ZNF142: variants seen among roughly 807,000 people sequenced by gnomAD.
The protein encoded by ZNF142 is zinc finger protein 142 (clone pHZ-49).
ZNF142 carries 96 observed loss-of-function variants against 132.1 expected under a neutral mutation model. The observed-to-expected ratio is 0.73, with a 90% CI of 0.62 to 0.86. The LOEUF is 0.86. Ranked by LOEUF, ZNF142 falls within the 40% of genes least tolerant of loss-of-function variation. The pLI is 0.00. For synonymous variants in ZNF142, 842 were observed against 890.1 expected (o/e 0.95, Z 0.96); for missense variants, 2,163 against 2,336.2 (o/e 0.93, Z 1.53).
rs886426279 is a variant in ZNF142, at chr2:218,635,092, C to T, written c.*3247G>A. ...AATTTAAAAATTTTGTAGAGACTCC[C>T]GTCTCTACAAAAAATTTAAAAATTA... On this transcript the variant is annotated 3_prime_UTR_variant, in exon 11 of 11. Transcript: ENST00000411696. 4.6e-5 allele frequency among the ~76,000 whole-genome samples: 7 copies of T among 151,560 alleles called. No individual in the cohort carries two copies. The highest frequency in any genetic ancestry group is 2.1e-4 in the South Asian group (1 of 4,810).
chr2:218,646,546 A>G (rs543034423), intron 7 of ZNF142, among the ~76,000 whole-genome samples, 198 bp from the exon 8 acceptor site: 11 of 151,792 alleles, frequency 7.2e-5, no homozygotes, highest in African/African-American at 2.7e-4. Flanking sequence ...CAACTCCCAC[A>G]CCAGTGAAGA....
At position 218,635,754 on chromosome 2, in the gene ZNF142, G is replaced by T; in HGVS notation, c.*2585C>A. 1 of 1,594,852 alleles carries T rather than the reference G, an allele frequency of 6.3e-7. No homozygotes were observed. Among genetic ancestry groups the T allele is most frequent in the East Asian group, 2.3e-5 (1 of 44,108 alleles). On this transcript the variant is annotated 3_prime_UTR_variant, in exon 11 of 11. Coordinates refer to ENST00000411696, the MANE Select transcript of ZNF142 (RefSeq NM_001379659.1). The stretch of plus-strand genomic sequence containing the variant: ...TTGGGAGTAGGGTCGGGTGGGGCTG[G>T]GCTGAGCAGGAACTTGTGAGATTCC...
chr2:218,650,504 C>T lies in ZNF142; in HGVS notation c.903G>A (p.Glu301=), dbSNP rs774877219. The change falls in exon 6 of 11, where the codon GAG becomes GAA. Residue 301 remains glutamate, a synonymous_variant. Coordinates refer to ENST00000411696, the MANE Select transcript of ZNF142 (RefSeq NM_001379659.1). The part of the protein sequence containing the change: ...LLPAPKLPPG[E]REPSQEAGTP... ...TACCTGCTTCCTGTGAAGGTTCTCT[C>T]TCTCCTGGAGGCAGTTTGGGAGCTG... 9 of 1,602,538 alleles carry T rather than the reference C, an allele frequency of 5.6e-6. No individual in the cohort carries two copies. The highest frequency in any genetic ancestry group is 7.7e-6 in the Non-Finnish European group (9 of 1,174,560).
Position 218,643,366 on chromosome 2 carries a change from C to G in ZNF142, c.3750G>C (p.Arg1250Ser), listed in dbSNP as rs61733642. Reference protein sequence around the residue: ...SITSHVAEGCRGGRGGGGKRG... With the variant: ...SITSHVAEGCSGGRGGGGKRG... ...GTTTTCCTCCCCCGCCACGTCCCCC[C>G]CTGCAGCCTTCAGCCACGTGAGAGG... The change falls in exon 9 of 11, where the codon AGG (arginine) becomes AGC (serine). Residue 1250 changes from arginine (R) to serine (S), a missense_variant. By Grantham distance (110) the Arg-to-Ser change is moderately radical. Coordinates refer to ENST00000411696, the MANE Select transcript of ZNF142 (RefSeq NM_001379659.1). The G allele has an allele frequency of 2.0e-5, 33 of 1,614,206 alleles. No individual in the cohort carries two copies. Among genetic ancestry groups the G allele is most frequent in the African/African-American group, 2.0e-4 (15 of 75,044 alleles).
rs373014504 is a variant in ZNF142 at position 218,655,593 on chromosome 2, A to G, written c.280+557T>C. ...CAGCCTCTAACTCCTGGGCTCAAGC[A>G]ATCTTCCTGCCTCAGCCTCCCAAGT... On this transcript the variant is annotated intron_variant, in intron 4 of 10. Coordinates refer to ENST00000411696, the MANE Select transcript of ZNF142 (RefSeq NM_001379659.1). 1.5e-3 allele frequency among the ~76,000 whole-genome samples: 235 copies of G among 152,264 alleles called. 1 individual carries two copies. The highest frequency in any genetic ancestry group is 5.5e-3 in the African/African-American group (230 of 41,552).
At chr2:218,641,081 T>C (rs1489102468) in intron 9 of ZNF142, among the ~76,000 whole-genome samples, 6 of 151,406 alleles carry the variant, frequency 4.0e-5, no homozygotes, top group East Asian at 1.9e-4. Flanking sequence ...AATACAGGCA[T>C]GCGCCACAAT....
rs1697543963 is a variant in ZNF142 at position 218,644,345 on chromosome 2, C to T, written c.2771G>A (p.Arg924Lys). Residue 924 changes from arginine (R) to lysine (K), a missense_variant, in exon 9 of 11, where the codon AGG becomes AAG. By Grantham distance (26) the Arg-to-Lys change is conservative. Transcript: ENST00000411696. The surrounding 1 kb of genome is among the most constrained non-coding windows in gnomAD (Gnocchi z 4.6). Reference sequence around the variant, plus strand: ...ATCTGGCCCTTCCAGTCCCAGGGGCCTGAACTCCATAGGGGCTGTTTCAGT... The same window carrying T: ...ATCTGGCCCTTCCAGTCCCAGGGGCTTGAACTCCATAGGGGCTGTTTCAGT... Reference protein sequence around the residue: ...EVTETAPMEFRPLGLEGPDGL... With the variant: ...EVTETAPMEFKPLGLEGPDGL... 4.3e-6 allele frequency: 7 copies of T among 1,614,152 alleles called. No individual in the cohort carries two copies. The East Asian group carries it at 1.6e-4, about 36-fold the overall frequency.
Position 218,644,137 on chromosome 2 carries a change from G to A in ZNF142, c.2979C>T (p.Pro993=), listed in dbSNP as rs748314948. 5 of 1,614,148 alleles carry A rather than the reference G, an allele frequency of 3.1e-6. No homozygotes were observed. The South Asian group carries it at 5.5e-5, about 18-fold the overall frequency. ...ACTCTGACTCAGGTAATGGGGGCAA[G>A]GGTGCTGTCTCAGCAGGTGGAGTTG... ...FKTTPPAETA[P]LPPLPESESL... The change falls in exon 9 of 11, where the codon CCC becomes CCT. Residue 993 remains proline (P), a synonymous_variant. Transcript: ENST00000411696. The surrounding 1 kb of genome is among the most constrained non-coding windows in gnomAD (Gnocchi z 4.6).
In ZNF142 at chr2:218,644,397, C is replaced by A. The variant is rs555256259; in HGVS notation, c.2719G>T (p.Val907Leu). Residue 907 changes from valine to leucine, a missense_variant, in exon 9 of 11, where the codon GTG becomes TTG. Physicochemically the swap from Val to Leu is conservative, Grantham distance 32 (BLOSUM62 1). Transcript: ENST00000411696. The surrounding 1 kb of genome is among the most constrained non-coding windows in gnomAD (Gnocchi z 4.6). ...LEALGVELESVTEPPLEEVTE... is the reference protein window; with the variant it reads ...LEALGVELESLTEPPLEEVTE... ...ACCTCCTCAAGGGGTGGCTCAGTCACAGACTCCAGCTCTACTCCCAGGGCC... is the reference window on the plus strand; with the variant it reads ...ACCTCCTCAAGGGGTGGCTCAGTCAAAGACTCCAGCTCTACTCCCAGGGCC... The A allele has an allele frequency of 1.9e-6, 3 of 1,614,156 alleles. No homozygotes were observed. The African/African-American group carries it at 4.0e-5, about 22-fold the overall frequency.
intron 3 of ZNF142, among the ~76,000 whole-genome samples, chr2:218,657,752 T>C (rs1559308979): frequency 6.6e-6 from 1 of 152,100 alleles, no homozygotes; most frequent in Non-Finnish European, 1.5e-5. Context: ...ACTCTTATCT[T>C]CTCTCTTCTG....
chr2:218,659,215 CG>C lies in ZNF142; in HGVS notation c.-361-86del. Reference sequence around the variant, plus strand: ...CAGAACCGTGACGCGACTGCAGCGCCGGGGCCCAGCTCGTCTGGGTGCTCCC... The same window carrying C: ...CAGAACCGTGACGCGACTGCAGCGCCGGGCCCAGCTCGTCTGGGTGCTCCC... On this transcript the variant is annotated intron_variant, in intron 1 of 10. Coordinates refer to ENST00000411696, the MANE Select transcript of ZNF142 (RefSeq NM_001379659.1). The surrounding 1 kb of genome is among the most constrained non-coding windows in gnomAD (Gnocchi z 4.4). 1 of 152,538 alleles carries C rather than the reference CG, an allele frequency of 6.6e-6. No homozygotes were observed. The highest frequency in any genetic ancestry group is 1.5e-5 in the Non-Finnish European group (1 of 68,208). 9.4% of individuals were successfully genotyped at this position (152,538 alleles called of 1,614,324 possible).
At chr2:218,652,688 A>G (rs990114911) in intron 4 of ZNF142, among the ~76,000 whole-genome samples, 6 of 152,042 alleles carry the variant, frequency 3.9e-5, no homozygotes, top group Admixed American at 2.0e-4. Flanking sequence ...CAAATTCTGT[A>G]AAGAGCTTTA....
Position 218,649,229 on chromosome 2 carries a change from T to C in ZNF142, c.1279A>G (p.Ser427Gly), listed in dbSNP as rs773159128. The change falls in exon 7 of 11, where the codon AGT becomes GGT. Residue 427 changes from serine (S) to glycine (G), a missense_variant. Ser to Gly is a moderately conservative substitution (Grantham distance 56, BLOSUM62 0). This residue lies in a region of ZNF142 where 749 missense variants were observed against 830.3 expected (regional missense o/e 0.90). Coordinates refer to ENST00000411696, the MANE Select transcript of ZNF142 (RefSeq NM_001379659.1). ...KAHHCPLCHYSAVERNALNRH... is the reference protein window; with the variant it reads ...KAHHCPLCHYGAVERNALNRH... ...TTGAGTGCATTCCTCTCCACCGCAC[T>C]GTAGTGGCACAGTGGGCAGTGGTGG... The C allele has an allele frequency of 6.2e-7, 1 of 1,614,214 alleles. No individual in the cohort carries two copies.
chr2:218,633,707 T>C lies in ZNF142; in HGVS notation c.*4632A>G. The C allele has an allele frequency of 6.2e-7, 1 of 1,613,978 alleles. No homozygotes were observed. Among genetic ancestry groups the C allele is most frequent in the Middle Eastern group, 1.6e-4 (1 of 6,062 alleles). ...ACATTCAAAGGAGCACTACCACTTC[T>C]ACGAGATATCATCTTTCTCTGAAAC... On this transcript the variant is annotated 3_prime_UTR_variant, in exon 11 of 11. Transcript: ENST00000411696.
chr2:218,638,859 C>T, intron 10 of ZNF142, 51 bp from the exon 11 acceptor site: 1 of 1,447,250 alleles, frequency 6.9e-7, no homozygotes, highest in Non-Finnish European at 9.3e-7. Context: ...GCAAGGTTTA[C>T]TGGGCCATGG....
intron 8 of ZNF142, 131 bp downstream of exon 8, chr2:218,646,040 A>C: frequency 1.6e-6 from 2 of 1,283,086 alleles, no homozygotes; most frequent in Admixed American, 2.2e-5. Context: ...GGTGTGAGCC[A>C]TTGCACCCGG....
At position 218,649,265 on chromosome 2, in the gene ZNF142, C is replaced by G; in HGVS notation, c.1243G>C (p.Gly415Arg). 6.2e-7 allele frequency: 1 copy of G among 1,614,252 alleles called. No individual in the cohort carries two copies. The highest frequency in any genetic ancestry group is 8.5e-7 in the Non-Finnish European group (1 of 1,180,040). ...KLKTHLLREL[G>R]EKAHHCPLCH... ...AGTGGGCAGTGGTGGGCCTTTTCACCCAGCTCCCGCAGCAGATGGGTCTTG... is the reference window on the plus strand; with the variant it reads ...AGTGGGCAGTGGTGGGCCTTTTCACGCAGCTCCCGCAGCAGATGGGTCTTG... The change falls in exon 7 of 11, where the codon GGT (glycine) becomes CGT (arginine). Residue 415 changes from glycine to arginine, a missense_variant. Transcript: ENST00000411696.
rs1234203566 is a variant in ZNF142, at chr2:218,642,684, T to C, written c.4432A>G (p.Ser1478Gly). 6.2e-7 allele frequency: 1 copy of C among 1,613,972 alleles called. No homozygotes were observed. The highest frequency in any genetic ancestry group is 1.3e-5 in the African/African-American group (1 of 74,932). The part of the protein sequence containing the change: ...LRHDITRHVN[S>G]CHQGTPAFAC... ...AAGGCTGGGGTGCCTTGGTGGCAGC[T>C]GTTGACATGACGAGTGATGTCATGG... The change falls in exon 9 of 11, where the codon AGC becomes GGC. Residue 1478 changes from serine (S) to glycine (G), a missense_variant. Transcript: ENST00000411696. The surrounding 1 kb of genome is among the most constrained non-coding windows in gnomAD (Gnocchi z 4.6).
In ZNF142 at chr2:218,635,958, T is replaced by TG. The variant is rs1696714996; in HGVS notation, c.*2380dup. The TG allele has an allele frequency of 1.2e-6, 2 of 1,613,304 alleles. No individual in the cohort carries two copies. The highest frequency in any genetic ancestry group is 2.2e-5 in the East Asian group (1 of 44,848). On this transcript the variant is annotated 3_prime_UTR_variant, in exon 11 of 11. Coordinates refer to ENST00000411696, the MANE Select transcript of ZNF142 (RefSeq NM_001379659.1). ...TGAGAAACTGGCAGTGCTGGGGAGG[T>TG]GGGGGTAGGAGCATGATTAGTTTTC...
Sources: gnomAD v4.1 joint callset for allele counts (sites outside exome capture counted in the v4.1 genomes callset) on GRCh38, gnomAD v4.1.1 for gene constraint, gnomAD v4.1.1 regional missense constraint, Gnocchi (gnomAD v3.1) non-coding constraint, MANE v1.5 for transcripts, NCBI Gene and HGNC (gene_info 2026-07-23, HGNC 2026-07-21) for gene names.